The following ADAMTS3 variants were observed in gnomAD, a reference collection of about 807,000 sequenced individuals.
The protein encoded by ADAMTS3 is ADAM metallopeptidase with thrombospondin type 1 motif 3.
ADAMTS3 carries 73 observed loss-of-function variants against 129.0 expected under a neutral mutation model. The ratio of observed to expected loss-of-function variants is 0.57; its 90% CI spans 0.47 to 0.69. The LOEUF (loss-of-function observed/expected upper bound fraction) is 0.69. Ranked by LOEUF, ADAMTS3 falls within the 30% of genes least tolerant of loss-of-function variation. The pLI is 0.00. For synonymous variants in ADAMTS3, 477 were observed against 510.8 expected (o/e 0.93, Z 0.89); for missense variants, 1,457 against 1,514.5 (o/e 0.96, Z 0.63).
chr4:72,299,762 T>G (rs1300841473), intron 17 of ADAMTS3, among the ~76,000 whole-genome samples: 1 of 152,210 alleles, frequency 6.6e-6, no homozygotes, highest in African/African-American at 2.4e-5. Context: ...TCACATATTT[T>G]AAACACTGTA....
intron 3 of ADAMTS3, among the ~76,000 whole-genome samples, chr4:72,475,107 TAGAG>T (rs908556244): frequency 2.7e-5 from 4 of 149,774 alleles, no homozygotes; most frequent in African/African-American, 7.4e-5. Context: ...AATTAAAAAA[TAGAG>T]GAGGAGAAAA....
chr4:72,462,860 C>T (rs1180824748), intron 3 of ADAMTS3, among the ~76,000 whole-genome samples: 1 of 151,132 alleles, frequency 6.6e-6, no homozygotes, highest in African/African-American at 2.4e-5. Context: ...TGACAGTAAG[C>T]TCAAGTTATT....
At chr4:72,381,863 T>A (rs185693040) in intron 4 of ADAMTS3, among the ~76,000 whole-genome samples, 606 of 152,328 alleles carry the variant, frequency 4.0e-3, no homozygotes, top group Non-Finnish European at 6.8e-3. Context: ...GAAATATTGA[T>A]AACCAGGAAG....
chr4:72,496,188 A>T (rs1302754056), intron 3 of ADAMTS3, among the ~76,000 whole-genome samples: 1 of 152,206 alleles, frequency 6.6e-6, no homozygotes, highest in Non-Finnish European at 1.5e-5. Context: ...TTGGCAAAAT[A>T]AGCAGATAAA....
At chr4:72,500,608 C>T (rs976749008) in intron 3 of ADAMTS3, among the ~76,000 whole-genome samples, 1 of 152,024 alleles carries the variant, frequency 6.6e-6, no homozygotes, top group African/African-American at 2.4e-5. Context: ...CAGAAAAGCT[C>T]TTTAGTTTAA....
At chr4:72,460,501 A>C (rs1718737717) in intron 3 of ADAMTS3, among the ~76,000 whole-genome samples, 1 of 151,520 alleles carries the variant, frequency 6.6e-6, no homozygotes. Context: ...GCAGTATCCA[A>C]GTACAAAGGC....
At chr4:72,492,184 C>T (rs1285241160) in intron 3 of ADAMTS3, among the ~76,000 whole-genome samples, 1 of 151,160 alleles carries the variant, frequency 6.6e-6, no homozygotes, top group Admixed American at 6.6e-5. Context: ...TTTTTTAAAA[C>T]TTTTATTTAT....
At chr4:72,538,210 GA>G (rs1274740637) in intron 3 of ADAMTS3, among the ~76,000 whole-genome samples, 1 of 152,128 alleles carries the variant, frequency 6.6e-6, no homozygotes, top group Non-Finnish European at 1.5e-5. Flanking sequence ...GGAAGAAGCA[GA>G]GAAAACATCT....
At chr4:72,535,911 T>G (rs1721174849) in intron 3 of ADAMTS3, among the ~76,000 whole-genome samples, 1 of 152,160 alleles carries the variant, frequency 6.6e-6, no homozygotes, top group Non-Finnish European at 1.5e-5. Context: ...GATTCCTAAC[T>G]TAAAATATTT....
chr4:72,302,883 G>A (rs1016044633), intron 17 of ADAMTS3, among the ~76,000 whole-genome samples: 12 of 152,164 alleles, frequency 7.9e-5, no homozygotes, highest in Non-Finnish European at 1.5e-5. Flanking sequence ...GAGGGCTCCT[G>A]TATATTGGCC....
At chr4:72,450,842 T>C (rs899240329) in intron 3 of ADAMTS3, among the ~76,000 whole-genome samples, 1 of 149,932 alleles carries the variant, frequency 6.7e-6, no homozygotes, top group Admixed American at 6.7e-5. Context: ...AAAAACAGCA[T>C]ACCAATGATT....
chr4:72,368,193 T>C (rs1382862287), intron 4 of ADAMTS3, among the ~76,000 whole-genome samples: 2 of 152,224 alleles, frequency 1.3e-5, no homozygotes, highest in African/African-American at 4.8e-5. Flanking sequence ...TAAGCTTTAA[T>C]AAATTACAAA....
At chr4:72,408,134 T>A (rs1412063590) in intron 4 of ADAMTS3, among the ~76,000 whole-genome samples, 1 of 152,208 alleles carries the variant, frequency 6.6e-6, no homozygotes, top group African/African-American at 2.4e-5. Flanking sequence ...TGTGTAGTTC[T>A]CACATTTAAA....
rs560861129 is a variant in ADAMTS3 at position 72,435,655 on chromosome 4, G to T, written c.505-20684C>A. ...GGCACATAAGCAGTGGTAAAACAGAGATATAGACAAATGGAACAGAACAGA... is the reference window on the plus strand; with the variant it reads ...GGCACATAAGCAGTGGTAAAACAGATATATAGACAAATGGAACAGAACAGA... On this transcript the variant is annotated intron_variant, in intron 3 of 21. Transcript: ENST00000286657. Among the ~76,000 whole-genome samples, 19 of 151,864 alleles carry T rather than the reference G, an allele frequency of 1.3e-4. No homozygotes were observed. In the East Asian group the frequency reaches 3.7e-3, roughly 30 times the overall value.
intron 5 of ADAMTS3, 106 bp from the exon 6 acceptor site, chr4:72,323,203 T>C: frequency 2.4e-6 from 2 of 833,700 alleles, no homozygotes; most frequent in Non-Finnish European, 4.0e-6. Context: ...TAAATTGCTG[T>C]TTTTAAATTG....
intron 17 of ADAMTS3, among the ~76,000 whole-genome samples, chr4:72,302,289 C>T (rs1271921956): frequency 4.3e-5 from 4 of 93,770 alleles, no homozygotes. Flanking sequence ...AAAAATTCAG[C>T]CGAAAAATGG....
chr4:72,332,921 T>C (rs1477158326), intron 5 of ADAMTS3, among the ~76,000 whole-genome samples: 1 of 152,118 alleles, frequency 6.6e-6, no homozygotes, highest in Non-Finnish European at 1.5e-5. Flanking sequence ...AAGAGATATA[T>C]AAAATGCCTC....
chr4:72,293,976 T>C (rs998184509), intron 19 of ADAMTS3, among the ~76,000 whole-genome samples: 2 of 151,862 alleles, frequency 1.3e-5, no homozygotes, highest in African/African-American at 4.8e-5. Flanking sequence ...AGTGCAACAA[T>C]GGACAATAGG....
intron 14 of ADAMTS3, among the ~76,000 whole-genome samples, chr4:72,310,230 G>A (rs1328720603): frequency 6.6e-6 from 1 of 152,012 alleles, no homozygotes; most frequent in African/African-American, 2.4e-5. Context: ...TCTGAACCAA[G>A]GCATGTTCTT....
Sources: allele counts gnomAD v4.1 joint callset (sites outside exome capture counted in the v4.1 genomes callset), GRCh38; gene constraint gnomAD v4.1.1; transcripts MANE v1.5; gene names NCBI Gene and HGNC (gene_info 2026-07-23, HGNC 2026-07-21).